Variants in ZHX2 observed in about 807,000 individuals in gnomAD.
The protein encoded by ZHX2 is zinc fingers and homeoboxes 2.
ZHX2 carries 6 observed loss-of-function variants against 21.9 expected under a neutral mutation model. The observed-to-expected ratio is 0.27, with a 90% CI of 0.15 to 0.54. ZHX2 has a LOEUF of 0.54. Among genes scored for constraint, ZHX2 ranks in the 20% least tolerant of loss-of-function variants. The pLI, the probability that ZHX2 is intolerant of heterozygous loss-of-function variation, is 0.95. For synonymous variants in ZHX2, 434 were observed against 437.1 expected, an observed-to-expected ratio of 0.99 and a Z score of 0.09; for missense variants, 908 against 1,090.7, an observed-to-expected ratio of 0.83 and a Z score of 2.36.
intron 1 of ZHX2, among the ~76,000 whole-genome samples, chr8:122,837,627 A>T (rs1296169718): frequency 3.3e-5 from 5 of 152,166 alleles, no homozygotes; most frequent in Non-Finnish European, 7.3e-5. Flanking sequence ...ACAGGTGGGG[A>T]ATAGAGGGTG....
intron 1 of ZHX2, among the ~76,000 whole-genome samples, chr8:122,783,255 T>C (rs749662515): frequency 2.6e-5 from 4 of 152,156 alleles, no homozygotes; most frequent in African/African-American, 9.7e-5. Flanking sequence ...ATAAGGACTT[T>C]CCCTCGACCC....
At chr8:122,867,348 G>A (rs566674608) in intron 2 of ZHX2, among the ~76,000 whole-genome samples, 76 of 152,302 alleles carry the variant, frequency 5.0e-4, no homozygotes, top group African/African-American at 1.7e-3. Flanking sequence ...ACTCAGCTCA[G>A]CCCAGCTCAC....
intron 2 of ZHX2, among the ~76,000 whole-genome samples, chr8:122,897,673 A>G (rs532095503): frequency 1.3e-5 from 2 of 150,186 alleles, no homozygotes; most frequent in South Asian, 4.2e-4. Flanking sequence ...ATATGATGTG[A>G]TTTTTCATGT....
chr8:122,903,455 G>A (rs561101925), intron 2 of ZHX2, among the ~76,000 whole-genome samples: 1 of 152,322 alleles, frequency 6.6e-6, no homozygotes, highest in Non-Finnish European at 1.5e-5. Flanking sequence ...TGAACTGGGT[G>A]TCCATTTCAG....
intron 2 of ZHX2, among the ~76,000 whole-genome samples, chr8:122,920,773 G>T (rs1310361768): frequency 6.6e-6 from 1 of 152,186 alleles, no homozygotes; most frequent in East Asian, 1.9e-4. Flanking sequence ...GTAGAGAGCT[G>T]CATTGGGAAG....
Position 122,951,743 on chromosome 8 carries a change from A to T in ZHX2, c.233A>T (p.Tyr78Phe). The part of the protein sequence containing the change: ...ESQSKKLQGG[Y>F]ECKYCPYSTQ... ...CAGTCCAAAAAACTCCAAGGTGGTT[A>T]TGAGTGCAAATACTGCCCCTACTCC... Residue 78 changes from tyrosine (Y) to phenylalanine (F), a missense_variant, in exon 3 of 4, where the codon TAT becomes TTT. Tyr to Phe is a conservative substitution (Grantham distance 22). This residue lies in a region of ZHX2 where 220 missense variants were observed against 251.4 expected (regional missense o/e 0.88). Coordinates refer to ENST00000314393, the MANE Select transcript of ZHX2 (RefSeq NM_014943.5). 1 of 1,614,170 alleles carries T rather than the reference A, an allele frequency of 6.2e-7. No individual in the cohort carries two copies. The highest frequency in any genetic ancestry group is 8.5e-7 in the Non-Finnish European group (1 of 1,180,044).
Position 122,943,881 on chromosome 8 carries a change from C to A in ZHX2, c.-219-7411C>A, listed in dbSNP as rs548012736. ...CTTTGACCCTCCCTTGCCTGCAGAC[C>A]AAAATCCCAACTCCCTGGCGTGGCA... On this transcript the variant is annotated intron_variant, in intron 2 of 3. Coordinates refer to ENST00000314393, the MANE Select transcript of ZHX2 (RefSeq NM_014943.5). Among the ~76,000 whole-genome samples the A allele has an allele frequency of 2.0e-5, 3 of 152,314 alleles. No individual in the cohort carries two copies. In the South Asian group the frequency reaches 6.2e-4, roughly 32 times the overall value.
intron 2 of ZHX2, among the ~76,000 whole-genome samples, chr8:122,937,521 G>C (rs1388102919): frequency 6.6e-6 from 1 of 151,998 alleles, no homozygotes; most frequent in African/African-American, 2.4e-5. Context: ...CTGCTGCCAA[G>C]TTCTCCTGGT....
At chr8:122,872,898 C>G (rs1359414861) in intron 2 of ZHX2, among the ~76,000 whole-genome samples, 3 of 152,206 alleles carry the variant, frequency 2.0e-5, no homozygotes, top group Non-Finnish European at 4.4e-5. Context: ...CCCCCACCGA[C>G]AGCCAGCAGC....
intron 3 of ZHX2, among the ~76,000 whole-genome samples, chr8:122,968,208 T>C (rs11783086): frequency 0.39 from 58,833 of 152,004 alleles, 11,553 homozygotes; most frequent in Middle Eastern, 0.52. Context: ...CTGGCCAATA[T>C]GCACTGATAG....
intron 1 of ZHX2, among the ~76,000 whole-genome samples, chr8:122,821,126 C>T (rs1041028053): frequency 6.6e-6 from 1 of 152,192 alleles, no homozygotes; most frequent in Non-Finnish European, 1.5e-5. Flanking sequence ...GCAATGTTCT[C>T]GCGAATTCTA....
intron 3 of ZHX2, among the ~76,000 whole-genome samples, chr8:122,968,660 G>A (rs1813644360): frequency 6.6e-6 from 1 of 152,016 alleles, no homozygotes; most frequent in South Asian, 2.1e-4. Flanking sequence ...CCAACATGGT[G>A]AAACCTCATC....
intron 1 of ZHX2, among the ~76,000 whole-genome samples, chr8:122,807,430 A>T (rs1418149244): frequency 1.3e-5 from 2 of 152,262 alleles, no homozygotes; most frequent in Non-Finnish European, 2.9e-5. Flanking sequence ...AAACAGTGTC[A>T]TCAGCGTTAC....
At chr8:122,882,312 C>CAG (rs1475535469) in intron 2 of ZHX2, among the ~76,000 whole-genome samples, 164 of 151,468 alleles carry the variant, frequency 1.1e-3, no homozygotes, top group African/African-American at 3.5e-3. Flanking sequence ...AACACACACA[C>CAG]ACAGAGAGAG....
chr8:122,897,425 G>A (rs1224666496), intron 2 of ZHX2, among the ~76,000 whole-genome samples: 1 of 152,182 alleles, frequency 6.6e-6, no homozygotes, highest in Non-Finnish European at 1.5e-5. Flanking sequence ...CATCACTGAT[G>A]ATTACATTTT....
chr8:122,787,699 G>T (rs559717876), intron 1 of ZHX2, among the ~76,000 whole-genome samples: 3 of 152,322 alleles, frequency 2.0e-5, no homozygotes, highest in South Asian at 2.1e-4. Context: ...GGGCCCAGGG[G>T]CCACTTGTGA....
chr8:122,917,271 G>T (rs982866615), intron 2 of ZHX2, among the ~76,000 whole-genome samples: 5 of 151,850 alleles, frequency 3.3e-5, no homozygotes, highest in Non-Finnish European at 7.4e-5. Context: ...CTCTAAAAAG[G>T]CACCGAGAAA....
intron 2 of ZHX2, among the ~76,000 whole-genome samples, chr8:122,911,131 C>T (rs541328228): frequency 9.8e-5 from 15 of 152,310 alleles, no homozygotes; most frequent in Admixed American, 7.8e-4. Context: ...CCTCATAAAA[C>T]ATACTTCTCA....
rs1262674798 is a variant in ZHX2 at position 122,955,561 on chromosome 8, A to G, written c.*4+1533A>G. Among the ~76,000 whole-genome samples, 6 of 152,294 alleles carry G rather than the reference A, an allele frequency of 3.9e-5. No individual in the cohort carries two copies. In the South Asian group the frequency reaches 1.0e-3, roughly 26 times the overall value. On this transcript the variant is annotated intron_variant, in intron 3 of 3. Transcript: ENST00000314393. ...TAGAAACCTTGTTTTAGCCAGTTCCATCCGCTATTAAAAGAGCACTTTAAC... is the reference window on the plus strand; with the variant it reads ...TAGAAACCTTGTTTTAGCCAGTTCCGTCCGCTATTAAAAGAGCACTTTAAC...
Sources: allele counts gnomAD v4.1 joint callset (sites outside exome capture counted in the v4.1 genomes callset), GRCh38; gene constraint gnomAD v4.1.1; regional missense constraint gnomAD v4.1.1; transcripts MANE v1.5; gene names NCBI Gene and HGNC (gene_info 2026-07-23, HGNC 2026-07-21).